Variants in CDH18 observed in about 807,000 individuals in gnomAD.
CDH18 encodes the protein cadherin-18.
In CDH18, 31 loss-of-function variants were observed where a neutral mutation model predicts 67.9. That is an observed-to-expected ratio of 0.46 (90% CI 0.34 to 0.62). The LOEUF is 0.62. Ranked by LOEUF, CDH18 falls within the 20% of genes least tolerant of loss-of-function variation. CDH18 has a pLI of 0.01. For synonymous variants in CDH18, 362 were observed against 347.2 expected, an observed-to-expected ratio of 1.04 and a Z score of -0.48; for missense variants, 890 against 975.5, an observed-to-expected ratio of 0.91 and a Z score of 1.17.
At chr5:19,916,646 A>C (rs1211486653) in intron 2 of CDH18, among the ~76,000 whole-genome samples, 1 of 152,202 alleles carries the variant, frequency 6.6e-6, no homozygotes, top group Non-Finnish European at 1.5e-5. Flanking sequence ...AAGTCTCTGC[A>C]ATAATGCCTG....
chr5:20,302,263 C>T (rs1311454542), intron 1 of CDH18, among the ~76,000 whole-genome samples: 1 of 152,116 alleles, frequency 6.6e-6, no homozygotes, highest in African/African-American at 2.4e-5. Flanking sequence ...AATTTGTTCC[C>T]CTTAGTTCTT....
At chr5:20,368,819 C>G (rs1472507748) in intron 1 of CDH18, among the ~76,000 whole-genome samples, 1 of 152,156 alleles carries the variant, frequency 6.6e-6, no homozygotes, top group Non-Finnish European at 1.5e-5. Flanking sequence ...TTCATAAATT[C>G]ATTGCCCTCC....
At chr5:20,488,714 ATTGT>A (rs1349591240) in intron 1 of CDH18, among the ~76,000 whole-genome samples, 1 of 130,476 alleles carries the variant, frequency 7.7e-6, no homozygotes, top group African/African-American at 2.7e-5. Flanking sequence ...CACACATACA[ATTGT>A]TTATCAATAA....
chr5:20,263,364 C>G (rs1744804474), intron 1 of CDH18, among the ~76,000 whole-genome samples: 1 of 151,912 alleles, frequency 6.6e-6, no homozygotes, highest in South Asian at 2.1e-4. Context: ...GAAAAGAGAC[C>G]CTGCCTCTTC....
chr5:20,564,156 A>G (rs565037467), intron 1 of CDH18, among the ~76,000 whole-genome samples: 1 of 152,196 alleles, frequency 6.6e-6, no homozygotes, highest in Admixed American at 6.6e-5. Context: ...CTGCTTCCTC[A>G]TAACGACCTT....
intron 10 of CDH18, among the ~76,000 whole-genome samples, chr5:19,509,327 A>C (rs1432599251): frequency 6.6e-6 from 1 of 152,124 alleles, no homozygotes; most frequent in Non-Finnish European, 1.5e-5. Context: ...GTTGAAAAAT[A>C]ACCTGTTGGG....
At chr5:19,560,987 T>C (rs185565330) in intron 8 of CDH18, among the ~76,000 whole-genome samples, 90 of 152,176 alleles carry the variant, frequency 5.9e-4, no homozygotes, top group Non-Finnish European at 1.1e-3. Context: ...AGAATGGCCA[T>C]AATCAAAAAA....
intron 3 of CDH18, among the ~76,000 whole-genome samples, chr5:19,799,061 C>CA (rs1777149673): frequency 6.6e-6 from 1 of 151,974 alleles, no homozygotes; most frequent in Non-Finnish European, 1.5e-5. Flanking sequence ...CACAGGTGTG[C>CA]AGGTATCTCT....
intron 1 of CDH18, among the ~76,000 whole-genome samples, chr5:20,385,373 T>C (rs1744232488): frequency 6.6e-6 from 1 of 152,134 alleles, no homozygotes; most frequent in South Asian, 2.1e-4. Flanking sequence ...ATCTAATAGT[T>C]CTGAGCTCCA....
At chr5:20,270,103 T>C (rs1161261536) in intron 1 of CDH18, among the ~76,000 whole-genome samples, 2 of 151,414 alleles carry the variant, frequency 1.3e-5, no homozygotes, top group Non-Finnish European at 2.9e-5. Context: ...TGTAAAACAA[T>C]ACATAAACAA....
At chr5:20,522,874 A>G (rs886073221) in intron 1 of CDH18, among the ~76,000 whole-genome samples, 4 of 152,194 alleles carry the variant, frequency 2.6e-5, no homozygotes, top group Non-Finnish European at 5.9e-5. Flanking sequence ...TAAAAATCCA[A>G]TAACTCACAG....
At chr5:19,520,875 C>G in intron 9 of CDH18, 97 bp from the exon 10 acceptor site, 1 of 1,309,052 alleles carries the variant, frequency 7.6e-7, no homozygotes. Flanking sequence ...GTCACTGGTT[C>G]CATATGCCAT....
At chr5:19,657,993 A>T (rs1756632386) in intron 5 of CDH18, among the ~76,000 whole-genome samples, 1 of 152,114 alleles carries the variant, frequency 6.6e-6, no homozygotes, top group Non-Finnish European at 1.5e-5. Flanking sequence ...CACTGGAGGA[A>T]ATTGACGATG....
chr5:19,601,876 AG>A (rs1747191043), intron 6 of CDH18, among the ~76,000 whole-genome samples: 1 of 152,084 alleles, frequency 6.6e-6, no homozygotes, highest in African/African-American at 2.4e-5. Flanking sequence ...CTACAGAAAA[AG>A]CAATTGACAA....
chr5:19,693,711 A>G (rs900266145), intron 5 of CDH18, among the ~76,000 whole-genome samples: 3 of 152,124 alleles, frequency 2.0e-5, no homozygotes, highest in Non-Finnish European at 4.4e-5. Flanking sequence ...AGCCTGGCCA[A>G]CATGGTGGAA....
chr5:20,224,038 A>G (rs544976633), intron 2 of CDH18, among the ~76,000 whole-genome samples: 6 of 152,282 alleles, frequency 3.9e-5, no homozygotes, highest in African/African-American at 1.4e-4. Context: ...TTAAGTCTTT[A>G]TGAAGCAATG....
chr5:20,332,364 T>A (rs1739262095), intron 1 of CDH18, among the ~76,000 whole-genome samples: 1 of 152,220 alleles, frequency 6.6e-6, no homozygotes, highest in African/African-American at 2.4e-5. Context: ...TTATTGATTT[T>A]TCTTTTTACT....
chr5:19,999,298 C>G (rs539972548), intron 2 of CDH18, among the ~76,000 whole-genome samples: 4 of 152,086 alleles, frequency 2.6e-5, no homozygotes, highest in Admixed American at 2.6e-4. Flanking sequence ...CCACAATTGC[C>G]CACATAAAAC....
At chr5:20,488,164 T>C (rs530537772) in intron 1 of CDH18, among the ~76,000 whole-genome samples, 1 of 152,262 alleles carries the variant, frequency 6.6e-6, no homozygotes, top group East Asian at 1.9e-4. Context: ...CCTCATGTTA[T>C]AAAATATATA....
Sources: allele counts gnomAD v4.1 joint callset (sites outside exome capture counted in the v4.1 genomes callset), GRCh38; gene constraint gnomAD v4.1.1; transcripts MANE v1.5; gene names NCBI Gene and HGNC (gene_info 2026-07-23, HGNC 2026-07-21).